SEMA6D: variants seen among roughly 807,000 people sequenced by gnomAD.
The protein encoded by SEMA6D is semaphorin-6D.
In SEMA6D, 35 loss-of-function variants were observed where a neutral mutation model predicts 106.6. That is an observed-to-expected ratio of 0.33 (90% CI 0.25 to 0.44). The LOEUF (loss-of-function observed/expected upper bound fraction) is 0.44. Ranked by LOEUF, SEMA6D falls within the 20% of genes least tolerant of loss-of-function variation. SEMA6D has a pLI of 1.00. For synonymous variants in SEMA6D, 499 were observed against 487.7 expected (o/e 1.02, Z -0.31); for missense variants, 1,185 against 1,345.9 (o/e 0.88, Z 1.87).
At chr15:47,259,329 G>A (rs570691370) in intron 1 of SEMA6D, among the ~76,000 whole-genome samples, 2 of 152,214 alleles carry the variant, frequency 1.3e-5, no homozygotes, top group East Asian at 1.9e-4. Flanking sequence ...TTATTTTAGC[G>A]AGTCTTTAAG....
chr15:47,765,098 A>C (rs1383518418), intron 13 of SEMA6D, 42 bp downstream of exon 13: 1 of 1,594,886 alleles, frequency 6.3e-7, no homozygotes, highest in Non-Finnish European at 8.6e-7. Flanking sequence ...ACTGCTCAAA[A>C]ATTTTCGGCA....
At chr15:47,423,606 G>T (rs1567069471) in intron 2 of SEMA6D, among the ~76,000 whole-genome samples, 1 of 152,136 alleles carries the variant, frequency 6.6e-6, no homozygotes, top group Non-Finnish European at 1.5e-5. Flanking sequence ...ATAGGATAAA[G>T]AAATCATTTT....
intron 4 of SEMA6D, among the ~76,000 whole-genome samples, chr15:47,690,150 T>A (rs1185520237): frequency 1.3e-5 from 2 of 152,118 alleles, no homozygotes; most frequent in Admixed American, 1.3e-4. Flanking sequence ...ATTGATGAAG[T>A]TATAGGCAGT....
At chr15:47,320,569 C>A (rs1015105912) in intron 1 of SEMA6D, among the ~76,000 whole-genome samples, 1 of 152,126 alleles carries the variant, frequency 6.6e-6, no homozygotes, top group Non-Finnish European at 1.5e-5. Flanking sequence ...ACTTCTGCCC[C>A]CTTCTCCCTA....
At chr15:47,466,727 GTTT>G (rs772795826) in intron 2 of SEMA6D, among the ~76,000 whole-genome samples, 2 of 138,928 alleles carry the variant, frequency 1.4e-5, no homozygotes, top group African/African-American at 5.2e-5. Context: ...TAGGTGTGTG[GTTT>G]TTTTTTTTTT....
At chr15:47,352,374 T>C (rs796374022) in intron 1 of SEMA6D, among the ~76,000 whole-genome samples, 9 of 152,330 alleles carry the variant, frequency 5.9e-5, no homozygotes, top group African/African-American at 2.2e-4. Context: ...AATAACCTTT[T>C]TTATCTTTAA....
chr15:47,695,525 C>T (rs533619464), intron 4 of SEMA6D, among the ~76,000 whole-genome samples: 6 of 152,100 alleles, frequency 3.9e-5, no homozygotes, highest in South Asian at 2.1e-4. Flanking sequence ...GACACACACA[C>T]GAACACATGC....
At chr15:47,466,727 GTT>G (rs772795826) in intron 2 of SEMA6D, among the ~76,000 whole-genome samples, 4 of 138,908 alleles carry the variant, frequency 2.9e-5, no homozygotes, top group African/African-American at 5.2e-5. Context: ...TAGGTGTGTG[GTT>G]TTTTTTTTTT....
chr15:47,582,433 A>G (rs558915957), intron 3 of SEMA6D, among the ~76,000 whole-genome samples: 8 of 152,244 alleles, frequency 5.3e-5, no homozygotes, highest in Non-Finnish European at 1.2e-4. Flanking sequence ...TAACTTGACA[A>G]TAGGCTAAAT....
At chr15:47,266,199 C>T (rs1749681298) in intron 1 of SEMA6D, among the ~76,000 whole-genome samples, 1 of 152,040 alleles carries the variant, frequency 6.6e-6, no homozygotes, top group Non-Finnish European at 1.5e-5. Flanking sequence ...TAATTTACTG[C>T]CAATTGTCTT....
upstream of SEMA6D, among the ~76,000 whole-genome samples, chr15:47,714,708 T>G (rs1452703280): frequency 1.3e-5 from 2 of 152,210 alleles, no homozygotes; most frequent in Non-Finnish European, 2.9e-5. Flanking sequence ...TTTTACTCAT[T>G]TAACAAACAT....
chr15:47,195,723 C>T (rs763767155), intron 1 of SEMA6D, among the ~76,000 whole-genome samples: 6 of 152,058 alleles, frequency 3.9e-5, no homozygotes, highest in Admixed American at 1.3e-4. Flanking sequence ...TTGTGCTCGC[C>T]GTGTTTGAAC....
chr15:47,247,018 T>C (rs777984294), intron 1 of SEMA6D, among the ~76,000 whole-genome samples: 1 of 152,212 alleles, frequency 6.6e-6, no homozygotes, highest in Non-Finnish European at 1.5e-5. Context: ...TTTAATGTTA[T>C]CAATCTATTG....
intron 3 of SEMA6D, among the ~76,000 whole-genome samples, chr15:47,508,626 G>A (rs1566841953): frequency 6.6e-6 from 1 of 152,220 alleles, no homozygotes; most frequent in Non-Finnish European, 1.5e-5. Context: ...AGTAAGGAAG[G>A]AAGAAAGGAC....
intron 3 of SEMA6D, among the ~76,000 whole-genome samples, chr15:47,563,136 G>A (rs2046127686): frequency 6.6e-6 from 1 of 152,060 alleles, no homozygotes; most frequent in Non-Finnish European, 1.5e-5. Context: ...TTCTGAAAAG[G>A]CAAATATATA....
intron 2 of SEMA6D, among the ~76,000 whole-genome samples, chr15:47,461,598 T>C (rs542476003): frequency 4.6e-5 from 7 of 152,196 alleles, no homozygotes; most frequent in African/African-American, 1.7e-4. Flanking sequence ...ATAATGCCCA[T>C]AGCAATTTTT....
intron 3 of SEMA6D, among the ~76,000 whole-genome samples, chr15:47,533,468 A>G (rs1451691824): frequency 6.6e-6 from 1 of 152,206 alleles, no homozygotes; most frequent in East Asian, 1.9e-4. Flanking sequence ...AGAGAGTACA[A>G]TAGTCAGCAG....
At chr15:47,703,516 AAAAAATGAAAGG>A (rs1426765499) in intron 4 of SEMA6D, among the ~76,000 whole-genome samples, 1 of 152,228 alleles carries the variant, frequency 6.6e-6, no homozygotes, top group Non-Finnish European at 1.5e-5. Context: ...CCTGTGGAAA[AAAAAATGAAAGG>A]AACCCACTAC....
intron 3 of SEMA6D, among the ~76,000 whole-genome samples, chr15:47,583,670 C>A (rs1384479615): frequency 1.3e-5 from 2 of 152,142 alleles, no homozygotes; most frequent in East Asian, 3.9e-4. Flanking sequence ...CTCCATACCC[C>A]AGCTGTCAGT....
Sources: allele counts gnomAD v4.1 joint callset (sites outside exome capture counted in the v4.1 genomes callset), GRCh38; gene constraint gnomAD v4.1.1; transcripts MANE v1.5; gene names NCBI Gene and HGNC (gene_info 2026-07-23, HGNC 2026-07-21).